The following TEX15 variants were observed in gnomAD, a reference collection of about 807,000 sequenced individuals.
TEX15 encodes testis expressed 15, meiosis and synapsis associated, also known as testis-expressed protein 15.
Under a neutral mutation model 237.3 loss-of-function variants are expected in TEX15, and 171 were observed. That is an observed-to-expected ratio of 0.72 (90% CI 0.64 to 0.82). The LOEUF is 0.82. TEX15 is among the 40% of genes least tolerant of loss of function. The pLI is 0.00. For synonymous variants in TEX15, 1,338 were observed against 1,269.8 expected (o/e 1.05, Z -1.14); for missense variants, 3,750 against 3,646.5 (o/e 1.03, Z -0.73).
At position 30,837,618 on chromosome 8, in the gene TEX15, G is replaced by C. The variant is rs1807339748; in HGVS notation, c.8666C>G (p.Pro2889Arg). The C allele has an allele frequency of 4.3e-6, 7 of 1,614,056 alleles. No individual in the cohort carries two copies. Among genetic ancestry groups the C allele is most frequent in the Non-Finnish European group, 5.9e-6 (7 of 1,179,934 alleles). Residue 2889 changes from proline to arginine, a missense_variant, in exon 10 of 11, where the codon CCT (proline) becomes CGT (arginine). By Grantham distance (103) the Pro-to-Arg change is moderately radical. Coordinates refer to ENST00000643185, the MANE Select transcript of TEX15 (RefSeq NM_001350162.2). Reference sequence around the variant, plus strand: ...TGGCTTTGAGAGCACCGACGCATCAGGCACAAGAGAAACATCAGTTTCTGG... The same window carrying C: ...TGGCTTTGAGAGCACCGACGCATCACGCACAAGAGAAACATCAGTTTCTGG... ...INPETDVSLV[P>R]DASVLSKPIF...
chr8:30,858,537 A>G (rs1807963448), intron 7 of TEX15, 131 bp downstream of exon 7: 2 of 730,568 alleles, frequency 2.7e-6, no homozygotes. Flanking sequence ...GCCTCAAGTA[A>G]TCCGCCCACT....
chr8:30,875,422 T>C (rs1808380177), intron 3 of TEX15, among the ~76,000 whole-genome samples: 1 of 152,170 alleles, frequency 6.6e-6, no homozygotes, highest in Non-Finnish European at 1.5e-5. Flanking sequence ...ATTACACAAA[T>C]CTGGCAGCTA....
Position 30,845,726 on chromosome 8 carries a change from T to C in TEX15, c.4441A>G (p.Ser1481Gly). ...CTAGAAAGGCATTTTTTCTCTCCAC[T>C]TGTTTTATAAGACTTGTGCTTTGAC... ...HVSKHKSYKT[S>G]GEKKCLSRKS... Residue 1481 changes from serine to glycine, a missense_variant, in exon 8 of 11, where the codon AGT becomes GGT. By Grantham distance (56) the Ser-to-Gly change is moderately conservative. Transcript: ENST00000643185. 1.2e-6 allele frequency: 2 copies of C among 1,613,686 alleles called. No individual in the cohort carries two copies. Among genetic ancestry groups the C allele is most frequent in the East Asian group, 2.2e-5 (1 of 44,872 alleles).
intron 7 of TEX15, among the ~76,000 whole-genome samples, chr8:30,851,449 G>A (rs1354373921): frequency 1.1e-4 from 17 of 152,208 alleles, no homozygotes; most frequent in African/African-American, 3.6e-4. Flanking sequence ...GGCCAACATG[G>A]TGAAACACTG....
Position 30,836,987 on chromosome 8 carries a change from A to C in TEX15, c.9297T>G (p.Tyr3099Ter). ...SNLLYSQYFTYFAGEPQANGF... is the reference protein window; with the variant it reads ...SNLLYSQYFT The stretch of plus-strand genomic sequence containing the variant: ...CATTTGCTTGTGGCTCCCCCGCAAA[A>C]TAAGTAAAATATTGAGAGTACAGAA... The change falls in exon 10 of 11, where the codon TAT (tyrosine) becomes TAG (stop). Residue 3099 changes from tyrosine (Y) to a stop codon, truncating the protein, a stop_gained. Transcript: ENST00000643185. LOFTEE classifies it high-confidence loss of function. 2.5e-6 allele frequency: 4 copies of C among 1,614,138 alleles called. No homozygotes were observed. In the South Asian group the frequency reaches 4.4e-5, roughly 18 times the overall value.
intron 2 of TEX15, among the ~76,000 whole-genome samples, chr8:30,894,296 T>C (rs897292673): frequency 5.9e-5 from 9 of 152,044 alleles, no homozygotes; most frequent in African/African-American, 1.4e-4. Flanking sequence ...CTGGGCAACA[T>C]AGCAATGTAG....
intron 10 of TEX15, among the ~76,000 whole-genome samples, chr8:30,833,563 A>G (rs1217012721): frequency 2.0e-5 from 3 of 152,196 alleles, no homozygotes; most frequent in Non-Finnish European, 4.4e-5. Context: ...CTGTGAAATT[A>G]AATGTAATAA....
chr8:30,892,719 T>C (rs1460085183), intron 2 of TEX15, among the ~76,000 whole-genome samples: 1 of 152,224 alleles, frequency 6.6e-6, no homozygotes, highest in Non-Finnish European at 1.5e-5. Flanking sequence ...TTAAAACTTA[T>C]TGTATTCACT....
Position 30,832,032 on chromosome 8 carries a change from C to A in TEX15, c.*1254G>T, listed in dbSNP as rs1807189307. 1.3e-5 allele frequency: 2 copies of A among 152,132 alleles called. No individual in the cohort carries two copies. Among genetic ancestry groups the A allele is most frequent in the Non-Finnish European group, 2.9e-5 (2 of 68,026 alleles). 9.4% of individuals were successfully genotyped at this position (152,132 alleles called of 1,614,324 possible). ...GGTTACAGTTCTTTGCTTGACCTTC[C>A]CTTTTTAAAGATCTCTATGTTAAAG... On this transcript the variant is annotated 3_prime_UTR_variant, in exon 11 of 11. Transcript: ENST00000643185.
chr8:30,856,680 TAAAAC>T (rs1164533225), intron 7 of TEX15, among the ~76,000 whole-genome samples: 1 of 151,980 alleles, frequency 6.6e-6, no homozygotes, highest in Non-Finnish European at 1.5e-5. Context: ...CAATAGAAAA[TAAAAC>T]AAAATAGCTA....
At chr8:30,894,324 T>C (rs1312595154) in intron 2 of TEX15, among the ~76,000 whole-genome samples, 1 of 152,044 alleles carries the variant, frequency 6.6e-6, no homozygotes, top group East Asian at 1.9e-4. Flanking sequence ...AAAAATTCTG[T>C]CTCTAAAAAA....
At position 30,845,958 on chromosome 8, in the gene TEX15, T is replaced by C; in HGVS notation, c.4209A>G (p.Lys1403=). 1 of 1,613,022 alleles carries C rather than the reference T, an allele frequency of 6.2e-7. No homozygotes were observed. Among genetic ancestry groups the C allele is most frequent in the Non-Finnish European group, 8.5e-7 (1 of 1,179,550 alleles). Residue 1403 remains lysine, a synonymous_variant, in exon 8 of 11, where the codon AAA becomes AAG. Coordinates refer to ENST00000643185, the MANE Select transcript of TEX15 (RefSeq NM_001350162.2). ...ATGGGCCCTTTCTTTCTTCTCCTACTTTAGTTATAAGCTGCAAAGATGTGT... is the reference window on the plus strand; with the variant it reads ...ATGGGCCCTTTCTTTCTTCTCCTACCTTAGTTATAAGCTGCAAAGATGTGT... The part of the protein sequence containing the change: ...RVHTSLQLIT[K]VGEERKGPLP...
chr8:30,909,770 G>T lies in TEX15; in HGVS notation c.-86+3109C>A, dbSNP rs73588067. Among the ~76,000 whole-genome samples the T allele has an allele frequency of 5.9e-5, 9 of 152,040 alleles. No homozygotes were observed. The East Asian group carries it at 1.7e-3, about 29-fold the overall frequency. On this transcript the variant is annotated intron_variant, in intron 1 of 10. Transcript: ENST00000643185. ...ACATCAATTTTAAACATGCTTAATT[G>T]AACAAAAAAATTAGTTCCTCTTTGA...
chr8:30,905,734 C>CAAA (rs34079195), intron 1 of TEX15, among the ~76,000 whole-genome samples: 829 of 50,974 alleles, frequency 0.016, 49 homozygotes, highest in African/African-American at 0.058. Flanking sequence ...ACAAAAAATA[C>CAAA]AAAAAAAAAA....
intron 2 of TEX15, chr8:30,887,897 T>C (rs2128776186): frequency 2.7e-5 from 1 of 36,706 alleles, no homozygotes; most frequent in East Asian, 3.5e-4. Context: ...TTCATATATA[T>C]ATATATATAT....
chr8:30,904,033 T>C (rs1339404244), intron 1 of TEX15, among the ~76,000 whole-genome samples: 1 of 151,442 alleles, frequency 6.6e-6, no homozygotes, highest in Non-Finnish European at 1.5e-5. Flanking sequence ...CTATTATGGT[T>C]ATGAGGCTTT....
intron 1 of TEX15, among the ~76,000 whole-genome samples, chr8:30,906,321 C>T: frequency 6.6e-6 from 1 of 152,104 alleles, no homozygotes; most frequent in Non-Finnish European, 1.5e-5. Flanking sequence ...CGCAGTGGCT[C>T]ACGCCTGTAA....
At chr8:30,898,544 G>A (rs191892966) in intron 2 of TEX15, among the ~76,000 whole-genome samples, 198 bp downstream of exon 2, 115 of 152,240 alleles carry the variant, frequency 7.6e-4, no homozygotes, top group African/African-American at 2.1e-3. Flanking sequence ...GGCCCGAGTA[G>A]ATTAAGACAG....
chr8:30,905,104 G>C (rs1266595801), intron 1 of TEX15, among the ~76,000 whole-genome samples: 1 of 151,974 alleles, frequency 6.6e-6, no homozygotes, highest in African/African-American at 2.4e-5. Flanking sequence ...AATATAACTT[G>C]TCTACTTCTA....
Sources: gnomAD v4.1 joint callset for allele counts (sites outside exome capture counted in the v4.1 genomes callset) on GRCh38, gnomAD v4.1.1 for gene constraint, MANE v1.5 for transcripts, NCBI Gene and HGNC (gene_info 2026-07-23, HGNC 2026-07-21) for gene names.